Variants in MAGI3 observed in about 807,000 individuals in gnomAD.
The protein encoded by MAGI3 is membrane associated guanylate kinase, WW and PDZ domain containing 3.
In MAGI3, 43 loss-of-function variants were observed where a neutral mutation model predicts 121.8. That is an observed-to-expected ratio of 0.35 (90% CI 0.28 to 0.46). The LOEUF (loss-of-function observed/expected upper bound fraction) is 0.46, where lower values mean the gene tolerates loss of function less well. MAGI3 is among the 20% of genes least tolerant of loss of function. The probability of loss-of-function intolerance (pLI) is 1.00; values close to 1 mark genes in which losing one functional copy is unlikely to be tolerated. For synonymous variants in MAGI3, 553 were observed against 639.3 expected (o/e 0.86, Z 2.04); for missense variants, 1,547 against 1,797.3 (o/e 0.86, Z 2.52).
At chr1:113,454,341 G>C (rs1654641307) in intron 1 of MAGI3, among the ~76,000 whole-genome samples, 1 of 152,126 alleles carries the variant, frequency 6.6e-6, no homozygotes, top group Non-Finnish European at 1.5e-5. Context: ...AGGCAGTGCA[G>C]CTTACTCTCT....
intron 1 of MAGI3, among the ~76,000 whole-genome samples, chr1:113,449,402 G>C (rs1242447490): frequency 3.0e-5 from 4 of 132,002 alleles, no homozygotes; most frequent in Non-Finnish European, 6.8e-5. Context: ...AGAGAGAGAG[G>C]CTTCAATCCT....
At chr1:113,620,434 C>T (rs1161230115) in intron 8 of MAGI3, among the ~76,000 whole-genome samples, 2 of 152,128 alleles carry the variant, frequency 1.3e-5, no homozygotes, top group African/African-American at 4.8e-5. Flanking sequence ...TTCCAGCCCT[C>T]ATTTGTCATT....
chr1:113,479,748 A>G lies in MAGI3; in HGVS notation c.317-69767A>G, dbSNP rs529987041. On this transcript the variant is annotated intron_variant, in intron 1 of 20. Transcript: ENST00000307546. ...CATATATTGGTTCTTTTGATACTCC[A>G]TAAGTGCCATAGACTATCTTCACTC... Among the ~76,000 whole-genome samples, 4 of 152,144 alleles carry G rather than the reference A, an allele frequency of 2.6e-5. No homozygotes were observed. In the South Asian group the frequency reaches 8.3e-4, roughly 32 times the overall value.
chr1:113,593,699 G>A (rs1455078000), intron 5 of MAGI3, among the ~76,000 whole-genome samples: 4 of 151,908 alleles, frequency 2.6e-5, no homozygotes, highest in African/African-American at 4.8e-5. Context: ...GTTTCATTTC[G>A]GCGTTAGTAT....
Position 113,622,987 on chromosome 1 carries a change from T to C in MAGI3, c.1353T>C (p.Ile451=). The C allele has an allele frequency of 2.0e-6, 3 of 1,511,416 alleles. No individual in the cohort carries two copies. The highest frequency in any genetic ancestry group is 2.6e-6 in the Non-Finnish European group (3 of 1,138,638). The allele number at this position is 1,511,416 out of a possible 1,614,324, so 93.6% of individuals were successfully genotyped here. The change falls in exon 9 of 21, where the codon ATT becomes ATC. Residue 451 remains isoleucine, a synonymous_variant. Coordinates refer to ENST00000307546, the MANE Select transcript of MAGI3 (RefSeq NM_001142782.2). ...GTCCCGCAGCTCAGGATGGGAAAATTGCACCAGGTAAGAAATTTTTCATAA... is the reference window on the plus strand; with the variant it reads ...GTCCCGCAGCTCAGGATGGGAAAATCGCACCAGGTAAGAAATTTTTCATAA... ...KDGPAAQDGK[I]APGDVIVDIN...
intron 1 of MAGI3, among the ~76,000 whole-genome samples, chr1:113,437,405 C>A (rs545450549): frequency 1.3e-5 from 2 of 152,016 alleles, no homozygotes; most frequent in East Asian, 3.9e-4. Flanking sequence ...TTTTTCTAGA[C>A]CCTTACTCTC....
At chr1:113,633,334 T>A (rs1281695931) in intron 9 of MAGI3, among the ~76,000 whole-genome samples, 1 of 129,840 alleles carries the variant, frequency 7.7e-6, no homozygotes, top group Non-Finnish European at 1.6e-5. Flanking sequence ...GGATCTAGGG[T>A]TACTGCAAGC....
chr1:113,570,992 C>G (rs1476965650), intron 2 of MAGI3, among the ~76,000 whole-genome samples: 1 of 152,110 alleles, frequency 6.6e-6, no homozygotes. Context: ...AATGGTATTG[C>G]CTAGGTTTTC....
At chr1:113,426,156 A>C (rs573744942) in intron 1 of MAGI3, among the ~76,000 whole-genome samples, 1 of 152,166 alleles carries the variant, frequency 6.6e-6, no homozygotes, top group South Asian at 2.1e-4. Context: ...CCTGTTTGTC[A>C]TATGGATTAT....
At chr1:113,574,499 A>T (rs1647499070) in intron 2 of MAGI3, among the ~76,000 whole-genome samples, 1 of 152,140 alleles carries the variant, frequency 6.6e-6, no homozygotes, top group Non-Finnish European at 1.5e-5. Context: ...TTTCTTTAAG[A>T]ATGTTGAATA....
chr1:113,652,602 A>G (rs568210364), intron 14 of MAGI3, among the ~76,000 whole-genome samples: 13 of 152,312 alleles, frequency 8.5e-5, no homozygotes, highest in South Asian at 2.1e-4. Flanking sequence ...AAGAAGTTTC[A>G]TAGTAGTTTG....
chr1:113,573,672 A>C (rs1647445896), intron 2 of MAGI3, among the ~76,000 whole-genome samples: 1 of 152,098 alleles, frequency 6.6e-6, no homozygotes, highest in Non-Finnish European at 1.5e-5. Context: ...TATTCTGTTG[A>C]TTTGGGGTGA....
chr1:113,634,436 T>A (rs1473110136), intron 9 of MAGI3, among the ~76,000 whole-genome samples: 1 of 152,242 alleles, frequency 6.6e-6, no homozygotes, highest in African/African-American at 2.4e-5. Flanking sequence ...GGGATCCAGT[T>A]TCAGCTTTCT....
At chr1:113,404,063 C>T (rs1215670126) in intron 1 of MAGI3, 2 of 152,020 alleles carry the variant, frequency 1.3e-5, no homozygotes, top group Non-Finnish European at 2.9e-5. Context: ...TCTGTAGTAA[C>T]TTTTTGTCCT....
intron 1 of MAGI3, among the ~76,000 whole-genome samples, chr1:113,518,271 T>C (rs1658021714): frequency 6.6e-6 from 1 of 152,140 alleles, no homozygotes; most frequent in African/African-American, 2.4e-5. Context: ...GTGTTCAACT[T>C]GACTGGTTTC....
intron 1 of MAGI3, among the ~76,000 whole-genome samples, chr1:113,503,165 A>G (rs1657107716): frequency 1.4e-5 from 1 of 70,024 alleles, no homozygotes; most frequent in Admixed American, 1.8e-4. Flanking sequence ...ACATGTATAC[A>G]TATGTAACTA....
chr1:113,458,430 C>T (rs1279113716), intron 1 of MAGI3, among the ~76,000 whole-genome samples: 1 of 152,150 alleles, frequency 6.6e-6, no homozygotes, highest in Admixed American at 6.6e-5. Flanking sequence ...TGTGTTAACT[C>T]TCAGTATCCC....
intron 1 of MAGI3, among the ~76,000 whole-genome samples, chr1:113,507,977 CA>C (rs201531344): frequency 1.3e-5 from 2 of 151,446 alleles, no homozygotes; most frequent in African/African-American, 4.8e-5. Context: ...TCATTACTGC[CA>C]AAAAAAATGA....
rs139560278 is a variant in MAGI3, at chr1:113,678,291, C to G, written c.3190-2907C>G. Among the ~76,000 whole-genome samples the G allele has an allele frequency of 3.3e-5, 5 of 152,288 alleles. No individual in the cohort carries two copies. The East Asian group carries it at 9.6e-4, about 29-fold the overall frequency. On this transcript the variant is annotated intron_variant, in intron 19 of 20. Coordinates refer to ENST00000307546, the MANE Select transcript of MAGI3 (RefSeq NM_001142782.2). ...TTTCTTTATCAGCAAGATTATATAT[C>G]TAGTGCTAATTTCTTACCTACATTG...
Sources: gnomAD v4.1 joint callset for allele counts (sites outside exome capture counted in the v4.1 genomes callset) on GRCh38, gnomAD v4.1.1 for gene constraint, MANE v1.5 for transcripts, NCBI Gene and HGNC (gene_info 2026-07-23, HGNC 2026-07-21) for gene names.